The following IARS1 variants were observed in gnomAD, a reference collection of about 807,000 sequenced individuals.
IARS1 encodes the protein isoleucyl-tRNA synthetase 1, also known as isoleucine--tRNA ligase, cytoplasmic.
A neutral mutation model predicts 168.2 loss-of-function variants in IARS1; 124 were observed. That is an observed-to-expected ratio of 0.74 (90% CI 0.64 to 0.86). The LOEUF (loss-of-function observed/expected upper bound fraction) is 0.86, where lower values mean the gene tolerates loss of function less well. Ranked by LOEUF, IARS1 falls within the 40% of genes least tolerant of loss-of-function variation. The probability of loss-of-function intolerance (pLI) is 0.00; values close to 1 mark genes in which losing one functional copy is unlikely to be tolerated. For missense variants in IARS1, 1,452 were observed against 1,515.8 expected, an observed-to-expected ratio of 0.96 and a Z score of 0.70; for synonymous variants, 532 against 529.4, an observed-to-expected ratio of 1.00 and a Z score of -0.07.
intron 22 of IARS1, chr9:92,251,268 A>G (rs773297947): frequency 6.1e-5 from 26 of 428,512 alleles, no homozygotes; most frequent in Non-Finnish European, 1.1e-4. Flanking sequence ...GTTAAGGAAT[A>G]AATAGGAGCC....
At chr9:92,252,764 CAAA>C (rs34983021) in intron 21 of IARS1, among the ~76,000 whole-genome samples, 23 of 27,230 alleles carry the variant, frequency 8.4e-4, no homozygotes, top group African/African-American at 2.6e-3. Context: ...AACTCCTTCT[CAAA>C]AAAAAAAAAA....
Position 92,264,273 on chromosome 9 carries a change from T to C in IARS1, c.1700+656A>G, listed in dbSNP as rs1222154660. On this transcript the variant is annotated intron_variant, in intron 16 of 33. Coordinates refer to ENST00000443024, the MANE Select transcript of IARS1 (RefSeq NM_002161.6). ...TTGCTTGAACCCAGGAGGCGAAGGG[T>C]GCAGTGAGCCGAGATCACACCCCTG... is the stretch of plus-strand genomic sequence containing the variant. Among the ~76,000 whole-genome samples the C allele has an allele frequency of 2.1e-5, 3 of 142,374 alleles. No individual in the cohort carries two copies. In the Admixed American group the frequency reaches 2.2e-4, roughly 10 times the overall value. The allele number at this position is 142,374 out of a possible 152,430, so 93.4% of individuals were successfully genotyped here. A position where few individuals can be genotyped will look rare whatever the true frequency, so the allele number is the denominator to read the frequency against.
At chr9:92,230,083 A>G (rs2133482554) in intron 30 of IARS1, among the ~76,000 whole-genome samples, 1 of 151,820 alleles carries the variant, frequency 6.6e-6, no homozygotes, top group South Asian at 2.1e-4. Context: ...ACCTTTTGGG[A>G]CTTTTTTTAT....
intron 28 of IARS1, 43 bp from the exon 29 acceptor site, chr9:92,242,373 A>G (rs1223132152): frequency 1.3e-6 from 2 of 1,502,696 alleles, no homozygotes; most frequent in Admixed American, 1.8e-5. Flanking sequence ...AGTACATTCT[A>G]TTAATCAGAA....
Position 92,243,255 on chromosome 9 carries a change from A to C in IARS1, c.2961T>G (p.Ala987=), listed in dbSNP as rs2230405. The change falls in exon 28 of 34, where the codon GCT becomes GCG. Residue 987 remains alanine, a synonymous_variant. Coordinates refer to ENST00000443024, the MANE Select transcript of IARS1 (RefSeq NM_002161.6). ...PDQSMVDEGM[A]REVINRIQKL... ...TCTGTATGCGATTGATGACTTCCCG[A>C]GCCATTCCTTCATCTACCATTGACT... is the stretch of plus-strand genomic sequence containing the variant. The C allele has an allele frequency of 0.04, 64,178 of 1,613,354 alleles. 1,551 individuals carry two copies. The highest frequency in any genetic ancestry group is 0.073 in the South Asian group (6,621 of 91,060).
intron 30 of IARS1, among the ~76,000 whole-genome samples, chr9:92,234,106 T>C (rs576522683): frequency 6.6e-6 from 1 of 152,294 alleles, no homozygotes; most frequent in South Asian, 2.1e-4. Flanking sequence ...CATTTTTAAT[T>C]TCATTGCCCA....
chr9:92,228,517 G>C (rs1018698095), intron 31 of IARS1, among the ~76,000 whole-genome samples: 3 of 152,130 alleles, frequency 2.0e-5, no homozygotes, highest in Non-Finnish European at 4.4e-5. Context: ...TTCAAGACCA[G>C]ACTGGGCAAT....
chr9:92,285,758 A>C lies in IARS1; in HGVS notation c.561T>G (p.Thr187=), dbSNP rs759586555. Residue 187 remains threonine (T), a synonymous_variant, in exon 6 of 34, where the codon ACT becomes ACG. Transcript: ENST00000443024. ...GGTGTGACTCGAAGTTGGAAAGTGG[A>C]GTGTTACATGCCGTAGAGAAGGGCA... is the stretch of plus-strand genomic sequence containing the variant. The part of the protein sequence containing the change: ...KVMPFSTACN[T]PLSNFESHQN... 6.2e-7 allele frequency: 1 copy of C among 1,612,378 alleles called. No homozygotes were observed. The highest frequency in any genetic ancestry group is 1.7e-5 in the Admixed American group (1 of 60,024).
At chr9:92,231,305 T>A (rs1386667300) in intron 30 of IARS1, among the ~76,000 whole-genome samples, 1 of 152,240 alleles carries the variant, frequency 6.6e-6, no homozygotes, top group Non-Finnish European at 1.5e-5. Flanking sequence ...TATATTATAG[T>A]ACCTAGCACA....
chr9:92,225,551 T>G (rs1415518431), intron 31 of IARS1, among the ~76,000 whole-genome samples: 1 of 149,122 alleles, frequency 6.7e-6, no homozygotes, highest in African/African-American at 2.5e-5. Context: ...TTTGAAGCAG[T>G]ACAAGAAAGA....
Position 92,262,883 on chromosome 9 carries a change from C to A in IARS1, c.1787+86G>T, listed in dbSNP as rs1315776584. ...GGAGACAAAGCTCCACCTGTCACTA[C>A]AACAAAGTTGACCGCTCTCACGCAC... is the stretch of plus-strand genomic sequence containing the variant. On this transcript the variant is annotated intron_variant, in intron 17 of 33. Coordinates refer to ENST00000443024, the MANE Select transcript of IARS1 (RefSeq NM_002161.6). 6 of 932,272 alleles carry A rather than the reference C, an allele frequency of 6.4e-6. No homozygotes were observed. The East Asian group carries it at 9.8e-5, about 15-fold the overall frequency. The allele number at this position is 932,272 out of a possible 1,614,324, so 57.7% of individuals were successfully genotyped here.
intron 33 of IARS1, 138 bp from the exon 34 acceptor site, chr9:92,211,027 G>A (rs1837657428): frequency 1.6e-6 from 1 of 621,542 alleles, no homozygotes; most frequent in African/African-American, 1.8e-5. Context: ...CAGCTCCTGA[G>A]GTGAACCTCT....
chr9:92,290,625 T>C (rs904418758), intron 1 of IARS1, among the ~76,000 whole-genome samples: 1 of 152,206 alleles, frequency 6.6e-6, no homozygotes, highest in African/African-American at 2.4e-5. Flanking sequence ...AACAAGGTTA[T>C]AGATTTTTCG....
chr9:92,251,414 C>T (rs1829996341), intron 22 of IARS1, among the ~76,000 whole-genome samples: 1 of 152,118 alleles, frequency 6.6e-6, no homozygotes, highest in African/African-American at 2.4e-5. Flanking sequence ...CCTCTCAATG[C>T]TAAGTTAAAG....
chr9:92,286,948 C>CA (rs888690021), intron 4 of IARS1, among the ~76,000 whole-genome samples: 3 of 151,516 alleles, frequency 2.0e-5, no homozygotes, highest in Non-Finnish European at 2.9e-5. Context: ...GAATGTATGA[C>CA]AAAAAAAAGA....
intron 17 of IARS1, among the ~76,000 whole-genome samples, chr9:92,260,598 T>C (rs1268683790): frequency 6.6e-6 from 1 of 152,110 alleles, no homozygotes; most frequent in African/African-American, 2.4e-5. Flanking sequence ...GAGATTGAAG[T>C]GAGCCAAGAT....
At chr9:92,257,496 T>C (rs1263885788) in intron 19 of IARS1, among the ~76,000 whole-genome samples, 1 of 152,180 alleles carries the variant, frequency 6.6e-6, no homozygotes, top group Non-Finnish European at 1.5e-5. Context: ...AGAGTGCACC[T>C]GCCCAAGGAC....
intron 10 of IARS1, 98 bp from the exon 11 acceptor site, chr9:92,271,753 A>G (rs1267708527): frequency 7.7e-7 from 1 of 1,306,532 alleles, no homozygotes; most frequent in Non-Finnish European, 1.1e-6. Context: ...ATATTGTAAC[A>G]TATACATTTC....
At chr9:92,284,331 G>T (rs1835104497) in intron 6 of IARS1, among the ~76,000 whole-genome samples, 1 of 152,148 alleles carries the variant, frequency 6.6e-6, no homozygotes, top group Non-Finnish European at 1.5e-5. Flanking sequence ...TCTGGAATTT[G>T]TTTCAGAATT....
Sources: gnomAD v4.1 joint callset for allele counts (sites outside exome capture counted in the v4.1 genomes callset) on GRCh38, gnomAD v4.1.1 for gene constraint, MANE v1.5 for transcripts, NCBI Gene and HGNC (gene_info 2026-07-23, HGNC 2026-07-21) for gene names.